MTMR10: variants seen among roughly 807,000 people sequenced by gnomAD.
MTMR10 encodes the protein myotubularin-related protein 10.
Under a neutral mutation model 88.1 loss-of-function variants are expected in MTMR10, and 56 were observed. The observed-to-expected ratio is 0.64, with a 90% confidence interval of 0.51 to 0.79. MTMR10 has a LOEUF of 0.79. Ranked by LOEUF, MTMR10 falls within the 30% of genes least tolerant of loss-of-function variation. MTMR10 has a pLI of 0.00. For missense variants in MTMR10, 883 were observed against 924.7 expected, an observed-to-expected ratio of 0.95 and a Z score of 0.58; for synonymous variants, 380 against 340.9, an observed-to-expected ratio of 1.11 and a Z score of -1.26.
chr15:30,968,088 G>A (rs1031564892), intron 5 of MTMR10, 78 bp from the exon 6 acceptor site: 16 of 1,010,644 alleles, frequency 1.6e-5, no homozygotes, highest in Non-Finnish European at 1.5e-5. Context: ...CTTGGGCACT[G>A]GGAGCATCAT....
chr15:30,965,532 A>G (rs2063462653), intron 6 of MTMR10, among the ~76,000 whole-genome samples: 1 of 152,250 alleles, frequency 6.6e-6, no homozygotes, highest in South Asian at 2.1e-4. Context: ...TATTTGCCCA[A>G]TAATAATCTG....
chr15:30,946,818 T>C (rs573004168), intron 14 of MTMR10: 1 of 692,372 alleles, frequency 1.4e-6, no homozygotes, highest in South Asian at 1.5e-5. Context: ...TTTTGTTTTT[T>C]ACTACCCAAT....
intron 13 of MTMR10, 46 bp from the exon 14 acceptor site, chr15:30,947,346 A>G (rs778222844): frequency 6.4e-7 from 1 of 1,572,748 alleles, no homozygotes; most frequent in Non-Finnish European, 8.6e-7. Flanking sequence ...GTTATCCTTC[A>G]GCCGTTCACA....
intron 2 of MTMR10, among the ~76,000 whole-genome samples, chr15:30,979,972 G>A (rs1455427866): frequency 1.3e-5 from 2 of 152,348 alleles, no homozygotes; most frequent in East Asian, 3.9e-4. Flanking sequence ...CAAAGACAGA[G>A]CTGAGTACTT....
chr15:30,974,280 GA>G (rs757155597), intron 5 of MTMR10, 33 bp downstream of exon 5: 16 of 1,515,570 alleles, frequency 1.1e-5, no homozygotes, highest in Non-Finnish European at 1.4e-5. Flanking sequence ...ACACAGTACA[GA>G]ACCCAGAACT....
At chr15:30,927,637 G>GC in the MTMR10 span, 1 of 985,598 alleles carries the variant, frequency 1.0e-6, no homozygotes, top group Non-Finnish European at 1.2e-6. Context: ...AGCCAGAGGA[G>GC]CTTTGCTGCC....
rs1034108061 is a variant in MTMR10 at position 30,961,157 on chromosome 15, T to C, written c.566-84A>G. 3 of 1,464,962 alleles carry C rather than the reference T, an allele frequency of 2.0e-6. No homozygotes were observed. The African/African-American group carries it at 4.2e-5, about 21-fold the overall frequency. 90.7% of individuals were successfully genotyped at this position (1,464,962 alleles called of 1,614,324 possible). ...TTCTCTGAGCCTCCTGTCACATGCA[T>C]ACTCTGATGTGCTGTCTCTAACCTG... is the stretch of plus-strand genomic sequence containing the variant. On this transcript the variant is annotated intron_variant, in intron 6 of 15. Transcript: ENST00000435680.
At chr15:30,964,614 C>A (rs1037981662) in intron 6 of MTMR10, among the ~76,000 whole-genome samples, 1 of 152,116 alleles carries the variant, frequency 6.6e-6, no homozygotes, top group African/African-American at 2.4e-5. Context: ...AATTTGAATG[C>A]TTTCCAAAGT....
At chr15:30,926,648 G>A in the MTMR10 span, 2 of 985,164 alleles carry the variant, frequency 2.0e-6, no homozygotes, top group South Asian at 4.7e-5. Context: ...AAATGCCAGT[G>A]AAGACAGAGA....
chr15:30,952,024 T>C lies in MTMR10; in HGVS notation c.1151A>G (p.His384Arg). 1 of 1,613,754 alleles carries C rather than the reference T, an allele frequency of 6.2e-7. No homozygotes were observed. The highest frequency in any genetic ancestry group is 8.5e-7 in the Non-Finnish European group (1 of 1,179,672). The change falls in exon 12 of 16, where the codon CAT (histidine) becomes CGT (arginine). Residue 384 changes from histidine to arginine, a missense_variant. Coordinates refer to ENST00000435680, the MANE Select transcript of MTMR10 (RefSeq NM_017762.3). The stretch of plus-strand genomic sequence containing the variant: ...TAGCATGTATACAAGTTCTGCTGAA[T>C]GCTTAAGGAATGCCCTGAAGAGAGA... ...WLEYVRAFLK[H>R]SAELVYMLES...
chr15:30,946,991 A>G (rs531860378), intron 14 of MTMR10, 139 bp downstream of exon 14: 31 of 1,133,362 alleles, frequency 2.7e-5, no homozygotes, highest in Admixed American at 5.8e-5. Context: ...AAAATAATCC[A>G]TTCAGAAATT....
chr15:30,955,659 G>A (rs960447272), intron 9 of MTMR10, among the ~76,000 whole-genome samples: 1 of 152,124 alleles, frequency 6.6e-6, no homozygotes, highest in Admixed American at 6.5e-5. Flanking sequence ...GGGGGGCGGG[G>A]CAGCACTGCA....
chr15:30,973,709 T>C (rs186529492), intron 5 of MTMR10, among the ~76,000 whole-genome samples: 1 of 152,246 alleles, frequency 6.6e-6, no homozygotes, highest in East Asian at 1.9e-4. Flanking sequence ...TTCACTCCTC[T>C]GGCAAAGCAA....
chr15:30,967,164 G>C (rs1011939258), intron 6 of MTMR10, among the ~76,000 whole-genome samples: 6 of 152,084 alleles, frequency 3.9e-5, no homozygotes, highest in Non-Finnish European at 5.9e-5. Context: ...TTAAATAAAA[G>C]AACACAGGCT....
chr15:30,942,934 GT>G lies in MTMR10; in HGVS notation c.1686del (p.Pro563LeufsTer8). The G allele has an allele frequency of 6.4e-7, 1 of 1,567,742 alleles. No individual in the cohort carries two copies. The highest frequency in any genetic ancestry group is 8.7e-7 in the Non-Finnish European group (1 of 1,154,002). The stretch of plus-strand genomic sequence containing the variant: ...TTCACGGAGCCATTCTGTATACAAG[GT>G]GTGCTCTTTCCAATGTAGAAGGGGT... ...FHNPFYIGKS[T>X]PCIQNGSVKS... On this transcript the variant is annotated frameshift_variant, in exon 15 of 16. Coordinates refer to ENST00000435680, the MANE Select transcript of MTMR10 (RefSeq NM_017762.3). LOFTEE classifies it low-confidence loss of function (END_TRUNC).
chr15:30,949,646 T>C (rs72710422), intron 12 of MTMR10: 1 of 152,252 alleles, frequency 6.6e-6, no homozygotes, highest in Non-Finnish European at 1.5e-5. Flanking sequence ...AATAAAACAC[T>C]GCTGATAAAA....
the MTMR10 span, chr15:30,930,440 A>C: frequency 2.2e-6 from 3 of 1,371,308 alleles, no homozygotes; most frequent in Non-Finnish European, 2.9e-6. Context: ...ATGTGCACTG[A>C]ATTACATATA....
rs1329304980 is a variant in MTMR10 at position 30,941,613 on chromosome 15, T to TC, written c.2190dup (p.Thr731AspfsTer41). The TC allele has an allele frequency of 1.2e-6, 2 of 1,601,848 alleles. No homozygotes were observed. Among genetic ancestry groups the TC allele is most frequent in the Non-Finnish European group, 1.7e-6 (2 of 1,173,914 alleles). ...AATGAGGAGGAGAGAAACTCCGGTG[T>TC]CCCCGAGGTGTCGGTGTGGTGAGGG... On this transcript the variant is annotated frameshift_variant, in exon 16 of 16. Coordinates refer to ENST00000435680, the MANE Select transcript of MTMR10 (RefSeq NM_017762.3). LOFTEE classifies it high-confidence loss of function.
At chr15:30,947,061 T>A in intron 14 of MTMR10, 69 bp downstream of exon 14, 3 of 1,488,456 alleles carry the variant, frequency 2.0e-6, no homozygotes, top group Non-Finnish European at 2.7e-6. Flanking sequence ...CAGTGAATTA[T>A]ACTTCAATTA....
Sources: gnomAD v4.1 joint callset for allele counts (sites outside exome capture counted in the v4.1 genomes callset) on GRCh38, gnomAD v4.1.1 for gene constraint, MANE v1.5 for transcripts, NCBI Gene and HGNC (gene_info 2026-07-23, HGNC 2026-07-21) for gene names.